Variants in NHSL1 observed in about 807,000 individuals in gnomAD.
NHSL1 encodes NHS like 1.
A neutral mutation model predicts 95.0 loss-of-function variants in NHSL1; 48 were observed. That is an observed-to-expected ratio of 0.51 (90% CI 0.40 to 0.64). The LOEUF is 0.64. Ranked by LOEUF, NHSL1 falls within the 30% of genes least tolerant of loss-of-function variation. NHSL1 has a pLI of 0.00. For synonymous variants in NHSL1, 783 were observed against 833.9 expected, an observed-to-expected ratio of 0.94 and a Z score of 1.05; for missense variants, 1,971 against 2,077.7, an observed-to-expected ratio of 0.95 and a Z score of 1.00.
At chr6:138,534,483 A>G (rs74609844) in intron 1 of NHSL1, among the ~76,000 whole-genome samples, 2 of 152,156 alleles carry the variant, frequency 1.3e-5, no homozygotes, top group Admixed American at 1.3e-4. Context: ...AATACCCTGT[A>G]TTTACCAGCA....
chr6:138,569,229 T>C (rs1783729491), intron 1 of NHSL1, among the ~76,000 whole-genome samples: 1 of 151,520 alleles, frequency 6.6e-6, no homozygotes, highest in Non-Finnish European at 1.5e-5. Flanking sequence ...TGTCACTGCA[T>C]GATGGTTGTG....
chr6:138,556,456 C>A (rs934223572), intron 1 of NHSL1, among the ~76,000 whole-genome samples: 2 of 151,814 alleles, frequency 1.3e-5, no homozygotes, highest in African/African-American at 4.8e-5. Flanking sequence ...AGCCCCATTT[C>A]TTGAGTCACA....
At chr6:138,640,029 C>T (rs905295412) in intron 1 of NHSL1, among the ~76,000 whole-genome samples, 1 of 151,912 alleles carries the variant, frequency 6.6e-6, no homozygotes, top group Non-Finnish European at 1.5e-5. Context: ...GCAAACAAGC[C>T]TATCTTGGAA....
chr6:138,470,268 C>T lies in NHSL1; in HGVS notation c.339+3038G>A, dbSNP rs146480584. 1.8e-3 allele frequency among the ~76,000 whole-genome samples: 274 copies of T among 152,084 alleles called. 3 individuals are homozygous for T. The highest frequency in any genetic ancestry group is 6.5e-3 in the African/African-American group (270 of 41,486). ...TCCAAGGATTTCAAAATACTTTTAC[C>T]CGAGAACAAGATTAACCTGAATTTT... On this transcript the variant is annotated intron_variant, in intron 3 of 7. Transcript: ENST00000343505.
intron 3 of NHSL1, among the ~76,000 whole-genome samples, chr6:138,470,859 A>G (rs1035808648): frequency 2.6e-5 from 4 of 152,208 alleles, no homozygotes; most frequent in African/African-American, 9.6e-5. Context: ...AGGGTCCCAC[A>G]GTCAACTTCT....
At chr6:138,533,504 CG>C (rs1315012345) in intron 1 of NHSL1, among the ~76,000 whole-genome samples, 1 of 152,092 alleles carries the variant, frequency 6.6e-6, no homozygotes, top group Non-Finnish European at 1.5e-5. Context: ...GCCGAGATCA[CG>C]CCACTGCACT....
At chr6:138,690,679 T>C (rs1189688177) in intron 1 of NHSL1, among the ~76,000 whole-genome samples, 1 of 152,012 alleles carries the variant, frequency 6.6e-6, no homozygotes, top group East Asian at 1.9e-4. Context: ...AGGCGGAGGG[T>C]GCAGTGAGCT....
chr6:138,561,654 T>C (rs1251150215), intron 1 of NHSL1, among the ~76,000 whole-genome samples: 1 of 152,066 alleles, frequency 6.6e-6, no homozygotes, highest in African/African-American at 2.4e-5. Flanking sequence ...CACTAGGGGC[T>C]CTCCAAACAC....
At chr6:138,499,567 A>C, upstream of NHSL1, 1 of 453,778 alleles carries the variant, frequency 2.2e-6, no homozygotes. Context: ...AAGAAAGAGA[A>C]AGCCAATCAC....
chr6:138,654,891 A>C (rs189700677), intron 1 of NHSL1, among the ~76,000 whole-genome samples: 26 of 152,318 alleles, frequency 1.7e-4, no homozygotes, highest in African/African-American at 6.3e-4. Flanking sequence ...CCCACGCTCT[A>C]AGGGGTGTGC....
At chr6:138,437,948 T>C (rs1776296365) in intron 5 of NHSL1, among the ~76,000 whole-genome samples, 2 of 152,212 alleles carry the variant, frequency 1.3e-5, no homozygotes, top group Non-Finnish European at 2.9e-5. Context: ...TGAAAATGCT[T>C]TCTTGAGATG....
chr6:138,535,287 G>GGCGCC (rs1782290364), intron 1 of NHSL1, among the ~76,000 whole-genome samples: 2 of 152,128 alleles, frequency 1.3e-5, no homozygotes, highest in Admixed American at 1.3e-4. Context: ...TTGTTGGCTG[G>GGCGCC]GCGCAGTGGC....
intron 1 of NHSL1, among the ~76,000 whole-genome samples, chr6:138,541,272 C>A (rs1346297440): frequency 6.6e-6 from 1 of 152,078 alleles, no homozygotes; most frequent in Admixed American, 6.6e-5. Flanking sequence ...GAGGCTCAGG[C>A]AAGAGAATCA....
intron 3 of NHSL1, among the ~76,000 whole-genome samples, chr6:138,467,395 G>A (rs997536769): frequency 4.6e-5 from 7 of 152,140 alleles, no homozygotes; most frequent in Non-Finnish European, 7.4e-5. Context: ...CTCATGATCC[G>A]CCCGCCTCGG....
rs1009421176 is a variant in NHSL1 at position 138,422,135 on chromosome 6, G to T, written c.*1946C>A. On this transcript the variant is annotated 3_prime_UTR_variant, in exon 8 of 8. Coordinates refer to ENST00000343505, the MANE Select transcript of NHSL1 (RefSeq NM_001144060.2). ...ATTTAAAAATAGTTTTATAATTAGT[G>T]TTATGTTGCTTTATCTTATCTTTGC... 1 of 152,130 alleles carries T rather than the reference G, an allele frequency of 6.6e-6. No homozygotes were observed. Among genetic ancestry groups the T allele is most frequent in the Admixed American group, 6.5e-5 (1 of 15,276 alleles). 9.4% of individuals were successfully genotyped at this position (152,130 alleles called of 1,614,324 possible).
chr6:138,633,018 AAAT>A (rs1784840389), intron 1 of NHSL1, among the ~76,000 whole-genome samples: 2 of 152,278 alleles, frequency 1.3e-5, no homozygotes, highest in African/African-American at 4.8e-5. Context: ...AAATAATTAA[AAAT>A]AATCAAGCAG....
At chr6:138,633,005 T>C (rs904856630) in intron 1 of NHSL1, among the ~76,000 whole-genome samples, 2 of 151,800 alleles carry the variant, frequency 1.3e-5, no homozygotes, top group African/African-American at 2.4e-5. Flanking sequence ...AACAAAGAGA[T>C]TGAAATAATT....
intron 1 of NHSL1, among the ~76,000 whole-genome samples, chr6:138,565,026 C>T (rs765893189): frequency 1.3e-5 from 2 of 152,118 alleles, no homozygotes; most frequent in African/African-American, 4.8e-5. Flanking sequence ...TAAAGTTTCA[C>T]GCCATGTAAA....
At chr6:138,614,837 G>A (rs1404582009) in intron 1 of NHSL1, among the ~76,000 whole-genome samples, 3 of 152,148 alleles carry the variant, frequency 2.0e-5, no homozygotes, top group Non-Finnish European at 4.4e-5. Flanking sequence ...CGCATGGGAG[G>A]GATCTAGGTT....
Sources: gnomAD v4.1 joint callset for allele counts (sites outside exome capture counted in the v4.1 genomes callset) on GRCh38, gnomAD v4.1.1 for gene constraint, MANE v1.5 for transcripts, NCBI Gene and HGNC (gene_info 2026-07-23, HGNC 2026-07-21) for gene names.